DOCK10: variants seen among roughly 807,000 people sequenced by gnomAD.
The protein encoded by DOCK10 is dedicator of cytokinesis protein 10.
Under a neutral mutation model 280.1 loss-of-function variants are expected in DOCK10, and 145 were observed. That is an observed-to-expected ratio of 0.52 (90% confidence interval 0.45 to 0.59). DOCK10 has a LOEUF of 0.59. Ranked by LOEUF, DOCK10 falls within the 20% of genes least tolerant of loss-of-function variation. The pLI, the probability that DOCK10 is intolerant of heterozygous loss-of-function variation, is 0.00. For synonymous variants in DOCK10, 915 were observed against 942.2 expected (o/e 0.97, Z 0.53); for missense variants, 2,368 against 2,651.7 (o/e 0.89, Z 2.35).
rs561101523 is a variant in DOCK10 at position 224,770,026 on chromosome 2, C to G, written c.6444+185G>C. 1.3e-5 allele frequency among the ~76,000 whole-genome samples: 2 copies of G among 152,284 alleles called. No individual in the cohort carries two copies. Among genetic ancestry groups the G allele is most frequent in the South Asian group, 4.2e-4 (2 of 4,814 alleles). ...CTCATAATCTTTTTCTACAGAGTTT[C>G]CCCCAGCCTGATCTCTGCTTTGGGG... is the stretch of plus-strand genomic sequence containing the variant. On this transcript the variant is annotated intron_variant, in intron 55 of 55. Coordinates refer to ENST00000258390, the MANE Select transcript of DOCK10 (RefSeq NM_014689.3). The surrounding 1 kb of genome is among the most constrained non-coding windows in gnomAD (Gnocchi z 4.5).
chr2:224,992,128 T>C (rs1161792621), intron 1 of DOCK10, among the ~76,000 whole-genome samples: 1 of 152,058 alleles, frequency 6.6e-6, no homozygotes, highest in Non-Finnish European at 1.5e-5. Flanking sequence ...GCAAATTATG[T>C]TGTCTTCAAG....
intron 11 of DOCK10, among the ~76,000 whole-genome samples, chr2:224,867,075 T>TACACACACACAC (rs61496329): frequency 3.5e-4 from 51 of 144,348 alleles, no homozygotes; most frequent in African/African-American, 1.3e-3. Flanking sequence ...AGCTAAGAAA[T>TACACACACACAC]ACACACACAC....
At chr2:224,925,909 A>G (rs1702021997) in intron 2 of DOCK10, among the ~76,000 whole-genome samples, 1 of 152,070 alleles carries the variant, frequency 6.6e-6, no homozygotes, top group Non-Finnish European at 1.5e-5. Flanking sequence ...CCTTGAAACC[A>G]TTTTTCTTAG....
Position 224,896,380 on chromosome 2 carries a change from G to C in DOCK10, c.334-3C>G, listed in dbSNP as rs1202316062. On this transcript the variant is annotated splice_region_variant and splice_polypyrimidine_tract_variant and intron_variant, in intron 3 of 55. Transcript: ENST00000258390. ...TGGGAACTATAAAATTTACAAGCCT[G>C]AAAGAAAGAAAAATGACAATTATTA... The C allele has an allele frequency of 7.1e-6, 11 of 1,544,374 alleles. No individual in the cohort carries two copies. The highest frequency in any genetic ancestry group is 9.7e-6 in the Non-Finnish European group (11 of 1,128,854).
At position 224,876,201 on chromosome 2, in the gene DOCK10, A is replaced by G. The variant is rs1375086203; in HGVS notation, c.768T>C (p.Tyr256=). 1 of 1,611,202 alleles carries G rather than the reference A, an allele frequency of 6.2e-7. No homozygotes were observed. The highest frequency in any genetic ancestry group is 8.5e-7 in the Non-Finnish European group (1 of 1,178,554). The part of the protein sequence containing the change: ...GVVQNNRLRK[Y]AFELKMNDLT... ...GATCATTCATTTTCAATTCAAAGGC[A>G]TATTTTCTTAGTCTGTTATTCTGTG... The change falls in exon 8 of 56, where the codon TAT becomes TAC. Residue 256 remains tyrosine (Y), a synonymous_variant. Coordinates refer to ENST00000258390, the MANE Select transcript of DOCK10 (RefSeq NM_014689.3).
Position 225,042,335 on chromosome 2 carries a change from A to G in DOCK10, c.40T>C (p.Leu14=), listed in dbSNP as rs1197750042. The part of the protein sequence containing the change: ...ERTRRFTRSL[L]RPGQAAELRH... ...AGCTCGGCCGCCTGCCCAGGTCTCAACAGGCTCCGGGTGAACCTGCGGGTC... is the reference window on the plus strand; with the variant it reads ...AGCTCGGCCGCCTGCCCAGGTCTCAGCAGGCTCCGGGTGAACCTGCGGGTC... Residue 14 remains leucine (L), a synonymous_variant, in exon 1 of 56, where the codon TTG becomes CTG. Transcript: ENST00000258390. The surrounding 1 kb of genome is among the most constrained non-coding windows in gnomAD (Gnocchi z 5.1). The G allele has an allele frequency of 1.4e-5, 19 of 1,336,306 alleles. No homozygotes were observed. Among genetic ancestry groups the G allele is most frequent in the South Asian group, 1.9e-5 (1 of 53,188 alleles). 82.8% of individuals were successfully genotyped at this position (1,336,306 alleles called of 1,614,324 possible).
intron 7 of DOCK10, among the ~76,000 whole-genome samples, chr2:224,884,926 C>T (rs1699190001): frequency 6.6e-6 from 1 of 152,190 alleles, no homozygotes; most frequent in East Asian, 1.9e-4. Flanking sequence ...TAATTATCTG[C>T]TTGTCTTTGA....
intron 11 of DOCK10, 78 bp downstream of exon 11, chr2:224,873,915 TAGC>T (rs1340806779): frequency 7.0e-7 from 1 of 1,419,948 alleles, no homozygotes; most frequent in Non-Finnish European, 9.5e-7. Context: ...TGCCTGGAAT[TAGC>T]AGGAATAGAA....
In DOCK10 at chr2:224,786,925, C is replaced by A; in HGVS notation, c.5655+97G>T. On this transcript the variant is annotated intron_variant, in intron 50 of 55. Transcript: ENST00000258390. The surrounding 1 kb of genome is among the most constrained non-coding windows in gnomAD (Gnocchi z 4.7). ...TATAGTCAGACACACCCACACCTCTCCATTCACTGGTACACACAGATGTCT... is the reference window on the plus strand; with the variant it reads ...TATAGTCAGACACACCCACACCTCTACATTCACTGGTACACACAGATGTCT... The A allele has an allele frequency of 1.1e-6, 1 of 877,990 alleles. No homozygotes were observed. Among genetic ancestry groups the A allele is most frequent in the Non-Finnish European group, 1.9e-6 (1 of 519,630 alleles). 54.4% of individuals were successfully genotyped at this position (877,990 alleles called of 1,614,324 possible). A position where few individuals can be genotyped will look rare whatever the true frequency, so the allele number is the denominator to read the frequency against.
Position 224,970,185 on chromosome 2 carries a change from C to G in DOCK10, c.124-38517G>C, listed in dbSNP as rs968401733. ...ATCCAATCTAATAAACAGTATGTTT[C>G]TACTTGTAGAAGTAATTACTTAAAT... On this transcript the variant is annotated intron_variant, in intron 1 of 55. Transcript: ENST00000258390. The surrounding 1 kb of genome is among the most constrained non-coding windows in gnomAD (Gnocchi z 4.6). 1.3e-5 allele frequency among the ~76,000 whole-genome samples: 2 copies of G among 152,186 alleles called. No individual in the cohort carries two copies. The highest frequency in any genetic ancestry group is 1.5e-5 in the Non-Finnish European group (1 of 68,032).
intron 11 of DOCK10, among the ~76,000 whole-genome samples, chr2:224,872,663 T>C (rs1158036089): frequency 6.6e-6 from 1 of 152,218 alleles, no homozygotes; most frequent in Non-Finnish European, 1.5e-5. Context: ...CTAGTTTCCC[T>C]GGATCATAAA....
intron 14 of DOCK10, among the ~76,000 whole-genome samples, chr2:224,858,032 G>A (rs1481863503): frequency 6.6e-6 from 1 of 152,072 alleles, no homozygotes; most frequent in Non-Finnish European, 1.5e-5. Flanking sequence ...GGCAAATAAC[G>A]TTGGGGAGAC....
chr2:224,880,492 G>A (rs1358388888), intron 7 of DOCK10, among the ~76,000 whole-genome samples: 1 of 152,186 alleles, frequency 6.6e-6, no homozygotes, highest in African/African-American at 2.4e-5. Context: ...CATTAAAATG[G>A]TAATCAAGAA....
intron 2 of DOCK10, among the ~76,000 whole-genome samples, chr2:224,923,972 T>C (rs898229841): frequency 1.1e-4 from 16 of 152,248 alleles, no homozygotes; most frequent in African/African-American, 3.9e-4. Context: ...TTATTGTTTA[T>C]AAGCAAGCCA....
intron 27 of DOCK10, among the ~76,000 whole-genome samples, chr2:224,829,522 C>A (rs1695085176): frequency 6.6e-6 from 1 of 152,174 alleles, no homozygotes. Context: ...GGGGCAGGGG[C>A]AATGCCAGAG....
intron 1 of DOCK10, among the ~76,000 whole-genome samples, chr2:225,041,956 C>T (rs995660527): frequency 6.6e-6 from 1 of 152,218 alleles, no homozygotes; most frequent in Non-Finnish European, 1.5e-5. Flanking sequence ...CCGGCCCCCT[C>T]GCGCCCCATT....
In DOCK10 at chr2:224,906,730, T is replaced by C. The variant is rs567536556; in HGVS notation, c.333+9965A>G. Among the ~76,000 whole-genome samples the C allele has an allele frequency of 1.7e-4, 26 of 152,316 alleles. No individual in the cohort carries two copies. The East Asian group carries it at 1.7e-3, about 10-fold the overall frequency. ...TCCTGACCTGGTGATCCGCCCGCCT[T>C]GGCCTCCCAAAGTGCTGGGATTACA... On this transcript the variant is annotated intron_variant, in intron 3 of 55. Transcript: ENST00000258390.
intron 14 of DOCK10, chr2:224,862,116 T>A (rs1237032757): frequency 1.3e-5 from 2 of 152,490 alleles, no homozygotes; most frequent in Non-Finnish European, 2.9e-5. Flanking sequence ...TGTCCATCTA[T>A]GTCCACAGAA....
intron 11 of DOCK10, among the ~76,000 whole-genome samples, chr2:224,872,177 A>T (rs1698330001): frequency 6.6e-6 from 1 of 152,252 alleles, no homozygotes; most frequent in African/African-American, 2.4e-5. Context: ...TGTCAACAAG[A>T]ATCTCACATA....
Sources: allele counts gnomAD v4.1 joint callset (sites outside exome capture counted in the v4.1 genomes callset), GRCh38; gene constraint gnomAD v4.1.1; non-coding constraint Gnocchi (gnomAD v3.1); transcripts MANE v1.5; gene names NCBI Gene and HGNC (gene_info 2026-07-23, HGNC 2026-07-21).